CACNA1A: variants seen among roughly 807,000 people sequenced by gnomAD.
CACNA1A encodes voltage-dependent P/Q-type calcium channel subunit alpha-1A.
Under a neutral mutation model 262.4 loss-of-function variants are expected in CACNA1A, and 57 were observed. That is an observed-to-expected ratio of 0.22 (90% confidence interval 0.18 to 0.27). CACNA1A has a LOEUF of 0.27. Ranked by LOEUF, CACNA1A falls within the 10% of genes least tolerant of loss-of-function variation. The pLI is 1.00. For missense variants in CACNA1A, 2,526 were observed against 3,562.8 expected (o/e 0.71, Z 7.41); for synonymous variants, 1,431 against 1,419.3 (o/e 1.01, Z -0.18).
chr19:13,407,169 C>A (rs538965856), intron 3 of CACNA1A, among the ~76,000 whole-genome samples: 1 of 152,324 alleles, frequency 6.6e-6, no homozygotes, highest in East Asian at 1.9e-4. Flanking sequence ...ACAAAATGCA[C>A]CAAATGGTCA....
chr19:13,336,594 G>GGAGGGAGAGA (rs1555768095), intron 6 of CACNA1A, among the ~76,000 whole-genome samples: 46 of 65,502 alleles, frequency 7.0e-4, no homozygotes, highest in African/African-American at 2.4e-3. Context: ...AGAGAGAGAG[G>GGAGGGAGAGA]GAGAGAGAGA....
intron 3 of CACNA1A, among the ~76,000 whole-genome samples, chr19:13,395,624 A>G (rs1358507688): frequency 6.6e-6 from 1 of 151,944 alleles, no homozygotes; most frequent in African/African-American, 2.4e-5. Flanking sequence ...AAAAAAGAAA[A>G]AAAAAAAAAA....
intron 1 of CACNA1A, among the ~76,000 whole-genome samples, chr19:13,488,653 G>A (rs983980182): frequency 6.6e-6 from 1 of 151,874 alleles, no homozygotes; most frequent in South Asian, 2.1e-4. Context: ...ACCCGCCTTG[G>A]CCTCTTAAAG....
At chr19:13,294,487 C>CTTTTTTTTTTTTTTTTTTTTTTTTTTTT (rs780908964) in intron 19 of CACNA1A, among the ~76,000 whole-genome samples, 1 of 72,526 alleles carries the variant, frequency 1.4e-5, no homozygotes, top group Non-Finnish European at 2.4e-5. Flanking sequence ...CTGTACCTGG[C>CTTTTTTTTTTTTTTTTTTTTTTTTTTTT]TTTTTTTTTT....
At position 13,411,480 on chromosome 19, in the gene CACNA1A, T is replaced by C. The variant is rs564564564; in HGVS notation, c.540-39701A>G. ...GCACAAGCTCTCTTGCCTGCTGCCA[T>C]GTAAGACATGCCTTTACTTCTCCTT... is the stretch of plus-strand genomic sequence containing the variant. On this transcript the variant is annotated intron_variant, in intron 3 of 46. Coordinates refer to ENST00000360228, the MANE Select transcript of CACNA1A (RefSeq NM_001127222.2). 1.2e-3 allele frequency among the ~76,000 whole-genome samples: 176 copies of C among 152,332 alleles called. 2 individuals are homozygous for C. Among genetic ancestry groups the C allele is most frequent in the African/African-American group, 3.8e-3 (160 of 41,586 alleles).
At chr19:13,465,015 A>T (rs184817934) in intron 1 of CACNA1A, among the ~76,000 whole-genome samples, 360 of 143,926 alleles carry the variant, frequency 2.5e-3, no homozygotes, top group African/African-American at 8.9e-3. Flanking sequence ...TGCAGCCTCC[A>T]CCTCCTGGGT....
At chr19:13,365,234 G>A in intron 5 of CACNA1A, 83 bp downstream of exon 5, 1 of 1,268,458 alleles carries the variant, frequency 7.9e-7, no homozygotes, top group African/African-American at 1.5e-5. Context: ...CCAGGAGAAA[G>A]AAGCACACCC....
chr19:13,214,094 T>C lies in CACNA1A; in HGVS notation c.5940+139A>G, dbSNP rs549727859. ...CCTCTCAAAGCACTGAGATTGCAGG[T>C]GTGAGCTGCTGTGCACAGCCCCTAC... On this transcript the variant is annotated intron_variant, in intron 40 of 46. Transcript: ENST00000360228. This position sits in a 1 kb window ranked among gnomAD's most constrained non-coding sequence, Gnocchi z 4.1. 1.8e-5 allele frequency: 12 copies of C among 666,026 alleles called. No individual in the cohort carries two copies. The highest frequency in any genetic ancestry group is 1.8e-4 in the African/African-American group (10 of 56,400). 41.3% of individuals were successfully genotyped at this position (666,026 alleles called of 1,614,324 possible).
At chr19:13,455,061 T>A (rs538638426) in intron 2 of CACNA1A, 46 bp downstream of exon 2, 1 of 1,200,012 alleles carries the variant, frequency 8.3e-7, no homozygotes, top group Non-Finnish European at 1.2e-6. Flanking sequence ...AAAATTAATG[T>A]CCTGCTAAAG....
intron 30 of CACNA1A, among the ~76,000 whole-genome samples, chr19:13,248,061 T>C (rs1275438403): frequency 6.6e-6 from 1 of 152,142 alleles, no homozygotes; most frequent in Non-Finnish European, 1.5e-5. Context: ...AATACACTCT[T>C]TCCTGGTTGC....
At position 13,275,834 on chromosome 19, in the gene CACNA1A, T is replaced by G; in HGVS notation, c.3989+16A>C. 1 of 1,564,536 alleles carries G rather than the reference T, an allele frequency of 6.4e-7. No homozygotes were observed. The highest frequency in any genetic ancestry group is 8.8e-7 in the Non-Finnish European group (1 of 1,135,110). On this transcript the variant is annotated intron_variant, in intron 24 of 46. Coordinates refer to ENST00000360228, the MANE Select transcript of CACNA1A (RefSeq NM_001127222.2). ...GGGGGAAAAGAGGCAAGAGGAACCC[T>G]TGCGAGGAGACTTACGTGAAGGCAA...
rs73505138 is a variant in CACNA1A, at chr19:13,384,173, C to T, written c.540-12394G>A. Among the ~76,000 whole-genome samples the T allele has an allele frequency of 5.5e-3, 839 of 152,230 alleles. 8 individuals carry two copies. Among genetic ancestry groups the T allele is most frequent in the African/African-American group, 0.019 (780 of 41,526 alleles). ...GCTTTCTTCTAGAATGTCAGCTCCA[C>T]GAGGACAGGGGCTTTTTTTGTATAG... On this transcript the variant is annotated intron_variant, in intron 3 of 46. Transcript: ENST00000360228.
At chr19:13,262,642 T>G in intron 25 of CACNA1A, 92 bp downstream of exon 25, 1 of 746,734 alleles carries the variant, frequency 1.3e-6, no homozygotes, top group Non-Finnish European at 2.4e-6. Context: ...CCTCCTTTAA[T>G]GTGTTGTCCT....
intron 34 of CACNA1A, among the ~76,000 whole-genome samples, chr19:13,232,646 G>T (rs933558902): frequency 6.6e-6 from 1 of 151,454 alleles, no homozygotes; most frequent in Admixed American, 6.6e-5. Flanking sequence ...CAGGAAAATC[G>T]CTTGAACCCA....
chr19:13,249,994 A>C (rs1210713043), intron 30 of CACNA1A, among the ~76,000 whole-genome samples: 2 of 152,042 alleles, frequency 1.3e-5, no homozygotes, highest in African/African-American at 4.8e-5. Context: ...TTGGCCACTC[A>C]CTGGGGACCT....
chr19:13,280,540 C>T (rs1025783899), intron 22 of CACNA1A, among the ~76,000 whole-genome samples: 2 of 151,808 alleles, frequency 1.3e-5, no homozygotes, highest in African/African-American at 2.4e-5. Context: ...TGTTGAGGGG[C>T]GTGGCATGGG....
rs551393541 is a variant in CACNA1A, at chr19:13,247,225, G to A, written c.4867-1960C>T. Among the ~76,000 whole-genome samples the A allele has an allele frequency of 9.8e-5, 15 of 152,358 alleles. No individual in the cohort carries two copies. The South Asian group carries it at 2.9e-3, about 29-fold the overall frequency. The stretch of plus-strand genomic sequence containing the variant: ...GTAGCCCCTCTACCTTACAGAGAAG[G>A]AGCCTGACCTTAGAGCTGTGCTTCC... On this transcript the variant is annotated intron_variant, in intron 30 of 46. Coordinates refer to ENST00000360228, the MANE Select transcript of CACNA1A (RefSeq NM_001127222.2).
intron 3 of CACNA1A, among the ~76,000 whole-genome samples, chr19:13,392,030 C>CA (rs137905773): frequency 0.39 from 33,199 of 84,224 alleles, 4,860 homozygotes; most frequent in Middle Eastern, 0.51. Context: ...GACCATGTCT[C>CA]AAAAAAAAAA....
At chr19:13,419,027 G>T (rs1418888860) in intron 3 of CACNA1A, among the ~76,000 whole-genome samples, 4 of 152,106 alleles carry the variant, frequency 2.6e-5, no homozygotes, top group African/African-American at 9.7e-5. Context: ...CCGAATAGCT[G>T]GGATTACAGG....
Sources: gnomAD v4.1 joint callset for allele counts (sites outside exome capture counted in the v4.1 genomes callset) on GRCh38, gnomAD v4.1.1 for gene constraint, Gnocchi (gnomAD v3.1) non-coding constraint, MANE v1.5 for transcripts, NCBI Gene and HGNC (gene_info 2026-07-23, HGNC 2026-07-21) for gene names.